AKAP6: variants seen among roughly 807,000 people sequenced by gnomAD.
AKAP6 encodes A-kinase anchoring protein 6.
In AKAP6, 58 loss-of-function variants were observed where a neutral mutation model predicts 188.5. The observed-to-expected ratio is 0.31, with a 90% CI of 0.25 to 0.38. AKAP6 has a LOEUF of 0.38. Among genes scored for constraint, AKAP6 ranks in the 10% least tolerant of loss-of-function variants. AKAP6 has a pLI of 1.00. For synonymous variants in AKAP6, 989 were observed against 998.6 expected, an observed-to-expected ratio of 0.99 and a Z score of 0.18; for missense variants, 2,710 against 2,740.0, an observed-to-expected ratio of 0.99 and a Z score of 0.24.
intron 1 of AKAP6, among the ~76,000 whole-genome samples, chr14:32,375,354 G>A (rs934954593): frequency 3.9e-5 from 6 of 152,196 alleles, no homozygotes; most frequent in Admixed American, 2.0e-4. Flanking sequence ...CAAAGTACCT[G>A]TAGGACATTT....
At chr14:32,575,363 G>A (rs184570226) in intron 4 of AKAP6, among the ~76,000 whole-genome samples, 1,576 of 152,180 alleles carry the variant, frequency 0.01, 9 homozygotes, top group Admixed American at 0.019. Flanking sequence ...CTTAGTAAGG[G>A]AATACATTGT....
intron 12 of AKAP6, among the ~76,000 whole-genome samples, chr14:32,811,349 T>C (rs1029440385): frequency 1.3e-5 from 2 of 152,130 alleles, no homozygotes; most frequent in African/African-American, 4.8e-5. Context: ...TTTCTCTGAA[T>C]GACTTGTAAT....
intron 7 of AKAP6, among the ~76,000 whole-genome samples, chr14:32,638,404 T>C (rs535590142): frequency 6.6e-6 from 1 of 152,232 alleles, no homozygotes; most frequent in South Asian, 2.1e-4. Flanking sequence ...TTTTGTTTCT[T>C]TTTCTCTTCT....
chr14:32,431,981 G>A (rs1890241556), intron 1 of AKAP6, among the ~76,000 whole-genome samples: 1 of 152,104 alleles, frequency 6.6e-6, no homozygotes, highest in Non-Finnish European at 1.5e-5. Flanking sequence ...TTCCTGTATG[G>A]AAAGATACAT....
chr14:32,332,935 C>G, intron 1 of AKAP6, among the ~76,000 whole-genome samples: 1 of 152,086 alleles, frequency 6.6e-6, no homozygotes, highest in Non-Finnish European at 1.5e-5. Flanking sequence ...CTTGCTCATC[C>G]CCAGCTATCC....
intron 5 of AKAP6, among the ~76,000 whole-genome samples, chr14:32,584,248 C>G (rs767276860): frequency 2.0e-5 from 3 of 152,184 alleles, no homozygotes; most frequent in Non-Finnish European, 4.4e-5. Context: ...TGTCTTTGAT[C>G]TGATAACCTG....
chr14:32,344,072 G>C, intron 1 of AKAP6, among the ~76,000 whole-genome samples: 1 of 152,186 alleles, frequency 6.6e-6, no homozygotes, highest in East Asian at 1.9e-4. Flanking sequence ...GCTGGCCCCT[G>C]TGCGAAACTG....
chr14:32,649,517 A>C (rs969460265), intron 7 of AKAP6, among the ~76,000 whole-genome samples: 3 of 152,204 alleles, frequency 2.0e-5, no homozygotes. Flanking sequence ...TCTAAGGCAT[A>C]AAGTGAAAAG....
chr14:32,594,163 G>A (rs1286337163), intron 5 of AKAP6, among the ~76,000 whole-genome samples: 1 of 152,084 alleles, frequency 6.6e-6, no homozygotes, highest in African/African-American at 2.4e-5. Context: ...ACAGCTGCCT[G>A]CAAGTTAGAT....
Position 32,545,817 on chromosome 14 carries a change from A to G in AKAP6, c.1164A>G (p.Thr388=). Residue 388 remains threonine, a synonymous_variant, in exon 4 of 14, where the codon ACA becomes ACG. Transcript: ENST00000280979. ...NYNEDSPTQP[T]LPKRGLFLKE... ...ACGAGGACTCTCCCACGCAGCCTACATTGCCAAAAAGAGGACTTTTTCTTA... is the reference window on the plus strand; with the variant it reads ...ACGAGGACTCTCCCACGCAGCCTACGTTGCCAAAAAGAGGACTTTTTCTTA... 4 of 1,614,238 alleles carry G rather than the reference A, an allele frequency of 2.5e-6. No homozygotes were observed. Among genetic ancestry groups the G allele is most frequent in the East Asian group, 2.2e-5 (1 of 44,886 alleles).
intron 1 of AKAP6, among the ~76,000 whole-genome samples, chr14:32,370,078 T>C (rs1476372896): frequency 1.3e-5 from 2 of 152,178 alleles, no homozygotes; most frequent in African/African-American, 4.8e-5. Flanking sequence ...CAGCTTAACA[T>C]GGGGTCATTA....
intron 12 of AKAP6, among the ~76,000 whole-genome samples, chr14:32,781,371 T>G (rs991317524): frequency 6.7e-6 from 1 of 149,198 alleles, no homozygotes; most frequent in Non-Finnish European, 1.5e-5. Flanking sequence ...AAAGAGAATA[T>G]GAAGGTAATT....
At chr14:32,583,549 T>G (rs926479414) in intron 5 of AKAP6, among the ~76,000 whole-genome samples, 1 of 152,156 alleles carries the variant, frequency 6.6e-6, no homozygotes, top group Non-Finnish European at 1.5e-5. Flanking sequence ...ACTGCTGTCT[T>G]TTTGTTTGTC....
chr14:32,718,074 A>G (rs2030322985), intron 9 of AKAP6, among the ~76,000 whole-genome samples: 2 of 152,122 alleles, frequency 1.3e-5, no homozygotes, highest in Admixed American at 6.6e-5. Flanking sequence ...CTAAAGATGT[A>G]TTTTCAAGAG....
At chr14:32,412,636 A>G (rs1181147847) in intron 1 of AKAP6, among the ~76,000 whole-genome samples, 1 of 152,192 alleles carries the variant, frequency 6.6e-6, no homozygotes, top group Non-Finnish European at 1.5e-5. Flanking sequence ...CACTTTCGTT[A>G]TGGCTCTGTT....
intron 1 of AKAP6, among the ~76,000 whole-genome samples, chr14:32,354,447 A>T (rs1352797803): frequency 6.6e-6 from 1 of 152,206 alleles, no homozygotes; most frequent in African/African-American, 2.4e-5. Flanking sequence ...GCAGTACTAA[A>T]AGATAATGCT....
chr14:32,678,499 C>A (rs1235755184), intron 8 of AKAP6, 40 bp downstream of exon 8: 1 of 1,606,182 alleles, frequency 6.2e-7, no homozygotes, highest in Non-Finnish European at 8.5e-7. Flanking sequence ...TCTCACTAAT[C>A]TATTTTTTCA....
intron 1 of AKAP6, among the ~76,000 whole-genome samples, chr14:32,329,989 G>A (rs1475134952): frequency 6.6e-6 from 1 of 152,100 alleles, no homozygotes; most frequent in Non-Finnish European, 1.5e-5. Flanking sequence ...AATTATTTGA[G>A]CCTTTTGATC....
chr14:32,690,287 C>T (rs116874485), intron 8 of AKAP6, among the ~76,000 whole-genome samples: 2,162 of 152,170 alleles, frequency 0.014, 26 homozygotes, highest in Middle Eastern at 0.024. Context: ...CACACACCTC[C>T]CATTGATTTC....
Sources: gnomAD v4.1 joint callset for allele counts (sites outside exome capture counted in the v4.1 genomes callset) on GRCh38, gnomAD v4.1.1 for gene constraint, MANE v1.5 for transcripts, NCBI Gene and HGNC (gene_info 2026-07-23, HGNC 2026-07-21) for gene names.